Variants in NKAIN3 observed in about 807,000 individuals in gnomAD.
The protein encoded by NKAIN3 is sodium/potassium-transporting ATPase subunit beta-1-interacting protein 3.
NKAIN3 carries 25 observed loss-of-function variants against 30.2 expected under a neutral mutation model. That is an observed-to-expected ratio of 0.83 (90% confidence interval 0.60 to 1.16). NKAIN3 has a LOEUF of 1.16. Ranked by LOEUF, NKAIN3 falls within the 50% of genes most tolerant of loss-of-function variation. The pLI is 0.00. For synonymous variants in NKAIN3, 91 were observed against 89.6 expected, an observed-to-expected ratio of 1.02 and a Z score of -0.09; for missense variants, 225 against 254.1, an observed-to-expected ratio of 0.89 and a Z score of 0.78.
At chr8:62,457,803 T>C (rs570774493) in intron 1 of NKAIN3, among the ~76,000 whole-genome samples, 2 of 152,352 alleles carry the variant, frequency 1.3e-5, no homozygotes, top group South Asian at 4.1e-4. Flanking sequence ...ATTTGCCATA[T>C]ATTATAAATT....
chr8:62,695,228 C>T (rs1814113670), intron 3 of NKAIN3, among the ~76,000 whole-genome samples: 1 of 152,144 alleles, frequency 6.6e-6, no homozygotes, highest in South Asian at 2.1e-4. Flanking sequence ...GCAATTTCTA[C>T]AGGTGAAAGG....
At chr8:62,578,736 T>C (rs1191238618) in intron 1 of NKAIN3, among the ~76,000 whole-genome samples, 1 of 152,030 alleles carries the variant, frequency 6.6e-6, no homozygotes, top group Non-Finnish European at 1.5e-5. Context: ...AATTATGTTA[T>C]ACTAAGCCAA....
At chr8:62,562,964 C>T (rs530967304) in intron 1 of NKAIN3, among the ~76,000 whole-genome samples, 99 of 152,166 alleles carry the variant, frequency 6.5e-4, no homozygotes, top group Non-Finnish European at 3.2e-4. Flanking sequence ...TTGCCATTTA[C>T]GTAAAACCAC....
At position 62,970,403 on chromosome 8, in the gene NKAIN3, G is replaced by A. The variant is rs1330538809; in HGVS notation, c.*4996G>A. Among the ~76,000 whole-genome samples the A allele has an allele frequency of 6.6e-6, 1 of 152,102 alleles. No individual in the cohort carries two copies. The highest frequency in any genetic ancestry group is 2.4e-5 in the African/African-American group (1 of 41,418). On this transcript the variant is annotated 3_prime_UTR_variant, in exon 7 of 7. Coordinates refer to ENST00000623646, the MANE Select transcript of NKAIN3 (RefSeq NM_001304533.3). ...AAGAAAAATGCCACTTCTTGAAGGT[G>A]GATACAGCTTCTTAAATATTGGTAT...
At chr8:62,577,100 G>A (rs1404117592) in intron 1 of NKAIN3, among the ~76,000 whole-genome samples, 1 of 152,008 alleles carries the variant, frequency 6.6e-6, no homozygotes, top group Non-Finnish European at 1.5e-5. Context: ...CTCAAATCTA[G>A]TTTTCACAGT....
Position 62,581,941 on chromosome 8 carries a change from C to T in NKAIN3, c.192+2265C>T, listed in dbSNP as rs1308731070. Among the ~76,000 whole-genome samples, 17 of 114,410 alleles carry T rather than the reference C, an allele frequency of 1.5e-4. 1 individual carries two copies. The highest frequency in any genetic ancestry group is 7.3e-4 in the African/African-American group (16 of 21,924). The allele number at this position is 114,410 out of a possible 152,430, so 75.1% of individuals were successfully genotyped here. On this transcript the variant is annotated intron_variant, in intron 2 of 6. Coordinates refer to ENST00000623646, the MANE Select transcript of NKAIN3 (RefSeq NM_001304533.3). ...CCCTCTTTCCTTTTTTCCTTCCTCC[C>T]TCCCACCTATCCTCCCTCCCTTCCT...
chr8:62,334,045 G>A (rs1465715461), intron 1 of NKAIN3, among the ~76,000 whole-genome samples: 3 of 152,022 alleles, frequency 2.0e-5, no homozygotes, highest in African/African-American at 7.2e-5. Context: ...TGAAATATTT[G>A]GAATTTGTAT....
At chr8:62,621,862 T>C (rs966437988) in intron 3 of NKAIN3, among the ~76,000 whole-genome samples, 3 of 152,002 alleles carry the variant, frequency 2.0e-5, no homozygotes, top group African/African-American at 4.8e-5. Context: ...CTCCCAATGG[T>C]AACATCTTTC....
At chr8:62,611,553 G>A (rs1473959987) in intron 3 of NKAIN3, among the ~76,000 whole-genome samples, 2 of 151,994 alleles carry the variant, frequency 1.3e-5, no homozygotes, top group Non-Finnish European at 2.9e-5. Flanking sequence ...TTGTCTTTCT[G>A]TGCCTGGCTT....
chr8:62,484,942 A>C (rs1585860013), intron 1 of NKAIN3, among the ~76,000 whole-genome samples: 1 of 152,062 alleles, frequency 6.6e-6, no homozygotes. Context: ...TGGCAGCAGC[A>C]CCTCCCATCC....
chr8:62,767,287 T>C (rs1259043518), intron 4 of NKAIN3, among the ~76,000 whole-genome samples: 1 of 152,112 alleles, frequency 6.6e-6, no homozygotes, highest in African/African-American at 2.4e-5. Flanking sequence ...GATAAACTGG[T>C]CCCTGCATTT....
chr8:62,654,567 A>G (rs1205821528), intron 3 of NKAIN3, among the ~76,000 whole-genome samples: 2 of 152,194 alleles, frequency 1.3e-5, no homozygotes, highest in Non-Finnish European at 2.9e-5. Flanking sequence ...GAATGACTTT[A>G]TTGACTTTAT....
chr8:62,325,496 CT>C, intron 1 of NKAIN3, among the ~76,000 whole-genome samples: 1 of 152,022 alleles, frequency 6.6e-6, no homozygotes, highest in Admixed American at 6.6e-5. Flanking sequence ...AGGTAGATAC[CT>C]AGCAGTGAGA....
intron 3 of NKAIN3, among the ~76,000 whole-genome samples, chr8:62,617,448 T>A (rs1811492941): frequency 1.3e-5 from 2 of 152,142 alleles, no homozygotes; most frequent in African/African-American, 4.8e-5. Context: ...CACTAGGTCA[T>A]AAAGTTAAAC....
chr8:62,641,790 G>T (rs1812315442), intron 3 of NKAIN3, among the ~76,000 whole-genome samples: 1 of 152,098 alleles, frequency 6.6e-6, no homozygotes, highest in South Asian at 2.1e-4. Flanking sequence ...AAATGAAAAA[G>T]TTAGATATAG....
At chr8:62,449,079 TAA>T (rs959268412) in intron 1 of NKAIN3, among the ~76,000 whole-genome samples, 9 of 152,022 alleles carry the variant, frequency 5.9e-5, no homozygotes, top group African/African-American at 2.2e-4. Flanking sequence ...AAAGAAACAC[TAA>T]GTGTTTAAAA....
At chr8:62,504,555 G>A (rs1333102559) in intron 1 of NKAIN3, among the ~76,000 whole-genome samples, 2 of 152,008 alleles carry the variant, frequency 1.3e-5, no homozygotes, top group African/African-American at 2.4e-5. Context: ...ACCCTTAGCT[G>A]TCTATATTTT....
intron 3 of NKAIN3, among the ~76,000 whole-genome samples, chr8:62,650,203 C>A (rs1245255574): frequency 2.0e-5 from 3 of 152,116 alleles, no homozygotes; most frequent in African/African-American, 7.2e-5. Context: ...TGTAATAAAT[C>A]TGTCATCACA....
intron 4 of NKAIN3, among the ~76,000 whole-genome samples, chr8:62,779,614 C>T (rs945130559): frequency 6.6e-6 from 1 of 152,102 alleles, no homozygotes; most frequent in African/African-American, 2.4e-5. Flanking sequence ...ACCAAATAGA[C>T]CTAACAGACA....
Sources: allele counts gnomAD v4.1 joint callset (sites outside exome capture counted in the v4.1 genomes callset), GRCh38; gene constraint gnomAD v4.1.1; transcripts MANE v1.5; gene names NCBI Gene and HGNC (gene_info 2026-07-23, HGNC 2026-07-21).